Variants in FBXO5 observed in about 807,000 individuals in gnomAD.
The protein encoded by FBXO5 is F-box protein 5.
FBXO5 carries 8 observed loss-of-function variants against 43.3 expected under a neutral mutation model. The ratio of observed to expected loss-of-function variants is 0.18; its 90% CI spans 0.11 to 0.33. The LOEUF (loss-of-function observed/expected upper bound fraction) is 0.33. Among genes scored for constraint, FBXO5 ranks in the 10% least tolerant of loss-of-function variants. FBXO5 has a pLI of 1.00. For missense variants in FBXO5, 491 were observed against 535.7 expected, an observed-to-expected ratio of 0.92 and a Z score of 0.82; for synonymous variants, 204 against 193.7, an observed-to-expected ratio of 1.05 and a Z score of -0.44.
chr6:152,972,525 T>G lies in FBXO5; in HGVS notation c.910-71A>C, dbSNP rs969476131. The G allele has an allele frequency of 7.5e-6, 8 of 1,073,496 alleles. No individual in the cohort carries two copies. In the African/African-American group the frequency reaches 1.3e-4, roughly 17 times the overall value. 66.5% of individuals were successfully genotyped at this position (1,073,496 alleles called of 1,614,324 possible). A position where few individuals can be genotyped will look rare whatever the true frequency, so the allele number is the denominator to read the frequency against. ...TATCCTCAATGAGACATTTTTATGT[T>G]TGTACATATAAGAAATGACAAACAA... On this transcript the variant is annotated intron_variant, in intron 3 of 4. Coordinates refer to ENST00000229758, the MANE Select transcript of FBXO5 (RefSeq NM_012177.5).
intron 1 of FBXO5, among the ~76,000 whole-genome samples, chr6:152,978,465 A>C (rs2129094238): frequency 6.9e-6 from 1 of 145,444 alleles, no homozygotes; most frequent in South Asian, 2.2e-4. Flanking sequence ...AAAGTACTTT[A>C]ATTTCCTTAA....
chr6:152,976,223 T>C (rs1021474462), intron 1 of FBXO5, among the ~76,000 whole-genome samples: 1 of 152,194 alleles, frequency 6.6e-6, no homozygotes, highest in Non-Finnish European at 1.5e-5. Context: ...TATTTCACTA[T>C]TAACAATGAT....
chr6:152,973,271 T>C (rs2129093344), intron 2 of FBXO5, 135 bp from the exon 3 acceptor site: 3 of 674,252 alleles, frequency 4.4e-6, no homozygotes, highest in Non-Finnish European at 7.5e-6. Flanking sequence ...CACATTACAA[T>C]TGCCTGGCGG....
chr6:152,977,969 C>T (rs1778198022), intron 1 of FBXO5, among the ~76,000 whole-genome samples: 1 of 152,058 alleles, frequency 6.6e-6, no homozygotes, highest in African/African-American at 2.4e-5. Flanking sequence ...TTGCAATTTC[C>T]AATGCTTACA....
rs142675044 is a variant in FBXO5 at position 152,971,872 on chromosome 6, C to T, written c.1092+400G>A. Reference sequence around the variant, plus strand: ...AACTCTCTTCCTCGGTTCTTAAAAGCGGAAAATGCAAAATGTAGTACTGAG... The same window carrying T: ...AACTCTCTTCCTCGGTTCTTAAAAGTGGAAAATGCAAAATGTAGTACTGAG... On this transcript the variant is annotated intron_variant, in intron 4 of 4. Transcript: ENST00000229758. Among the ~76,000 whole-genome samples, 78 of 152,192 alleles carry T rather than the reference C, an allele frequency of 5.1e-4. 1 individual carries two copies. Among genetic ancestry groups the T allele is most frequent in the African/African-American group, 1.8e-3 (76 of 41,536 alleles).
intron 1 of FBXO5, among the ~76,000 whole-genome samples, chr6:152,980,442 T>C (rs981840446): frequency 4.6e-5 from 7 of 152,138 alleles, no homozygotes; most frequent in Non-Finnish European, 1.0e-4. Context: ...TCTGTAGGGC[T>C]GAGTTGGGGG....
At chr6:152,973,408 C>A in intron 2 of FBXO5, 1 of 338,586 alleles carries the variant, frequency 3.0e-6, no homozygotes, top group Non-Finnish European at 5.5e-6. Flanking sequence ...ACAATATCTG[C>A]AAACATCAAA....
chr6:152,971,684 C>T (rs1778089251), intron 4 of FBXO5, among the ~76,000 whole-genome samples: 1 of 152,126 alleles, frequency 6.6e-6, no homozygotes, highest in Non-Finnish European at 1.5e-5. Flanking sequence ...TTTATATTTA[C>T]TGATCAACAT....
chr6:152,976,011 G>A (rs187424213), intron 1 of FBXO5, among the ~76,000 whole-genome samples: 42 of 152,242 alleles, frequency 2.8e-4, no homozygotes, highest in African/African-American at 9.9e-4. Flanking sequence ...AAGAGTAGGC[G>A]CTATGGTCAA....
At chr6:152,981,968 C>T (rs962693859) in intron 1 of FBXO5, among the ~76,000 whole-genome samples, 7 of 152,144 alleles carry the variant, frequency 4.6e-5, no homozygotes. Context: ...AAAGGACTAT[C>T]TAATTCTTCA....
intron 1 of FBXO5, among the ~76,000 whole-genome samples, chr6:152,982,280 A>G (rs1778272333): frequency 6.6e-6 from 1 of 152,144 alleles, no homozygotes; most frequent in South Asian, 2.1e-4. Context: ...AGGGCGCGGG[A>G]CACGCGGAGG....
intron 1 of FBXO5, among the ~76,000 whole-genome samples, chr6:152,977,864 A>G (rs1276141573): frequency 3.3e-5 from 5 of 152,236 alleles, no homozygotes; most frequent in Non-Finnish European, 7.3e-5. Context: ...GTTGTCCTAT[A>G]GAACCTCTTT....
intron 1 of FBXO5, among the ~76,000 whole-genome samples, chr6:152,977,945 A>G (rs1434145712): frequency 6.6e-6 from 1 of 152,174 alleles, no homozygotes; most frequent in Non-Finnish European, 1.5e-5. Context: ...AATCCTTTAT[A>G]TTTGTTTAGA....
In FBXO5 at chr6:152,971,432, A is replaced by C. The variant is rs1206119164; in HGVS notation, c.1093-18T>G. 3.8e-6 allele frequency: 6 copies of C among 1,574,142 alleles called. No homozygotes were observed. Among genetic ancestry groups the C allele is most frequent in the East Asian group, 2.2e-5 (1 of 44,684 alleles). On this transcript the variant is annotated intron_variant, in intron 4 of 4. Coordinates refer to ENST00000229758, the MANE Select transcript of FBXO5 (RefSeq NM_012177.5). ...TTGGCAACCTAAAAAGAAAAAAAAA[A>C]CCCATTAACAAATTTCAGCAAGAAT...
intron 1 of FBXO5, 115 bp from the exon 2 acceptor site, chr6:152,975,736 A>G (rs553067845): frequency 9.4e-6 from 6 of 639,840 alleles, no homozygotes; most frequent in African/African-American, 3.7e-5. Flanking sequence ...GGTATTGTCT[A>G]CATGTACTTG....
rs1272281237 is a variant in FBXO5, at chr6:152,975,404, T to C, written c.321A>G (p.Gln107=). Residue 107 remains glutamine (Q), a synonymous_variant, in exon 2 of 5, where the codon CAA becomes CAG. Coordinates refer to ENST00000229758, the MANE Select transcript of FBXO5 (RefSeq NM_012177.5). ...GSPIVSPRIV[Q]LETESKRLHN... The stretch of plus-strand genomic sequence containing the variant: ...GCAAGCGCTTGCTTTCAGTTTCAAG[T>C]TGTACAATCCTAGGGCTCACAATCG... 3.1e-6 allele frequency: 5 copies of C among 1,613,730 alleles called. No homozygotes were observed. Among genetic ancestry groups the C allele is most frequent in the African/African-American group, 1.3e-5 (1 of 74,892 alleles).
At chr6:152,973,876 A>G (rs1296617715) in intron 2 of FBXO5, 1 of 150,112 alleles carries the variant, frequency 6.7e-6, no homozygotes, top group Non-Finnish European at 1.5e-5. Context: ...AAAAAAAAAG[A>G]AGCTGTTTAT....
At chr6:152,982,708 G>C (rs1011219096) in intron 1 of FBXO5, 149 bp downstream of exon 1, 18 of 511,178 alleles carry the variant, frequency 3.5e-5, no homozygotes, top group African/African-American at 3.2e-4. Context: ...CCCGGACCCA[G>C]GAACCGCTGC....
intron 1 of FBXO5, among the ~76,000 whole-genome samples, chr6:152,979,952 TG>T (rs1272694504): frequency 6.6e-6 from 1 of 152,258 alleles, no homozygotes; most frequent in Non-Finnish European, 1.5e-5. Context: ...ATCTGGATGT[TG>T]GTTGTAGATT....
Sources: gnomAD v4.1 joint callset for allele counts (sites outside exome capture counted in the v4.1 genomes callset) on GRCh38, gnomAD v4.1.1 for gene constraint, MANE v1.5 for transcripts, NCBI Gene and HGNC (gene_info 2026-07-23, HGNC 2026-07-21) for gene names.